The following FER variants were observed in gnomAD, a reference collection of about 807,000 sequenced individuals.
The protein encoded by FER is tyrosine-protein kinase Fer.
In FER, 63 loss-of-function variants were observed where a neutral mutation model predicts 111.0. The ratio of observed to expected loss-of-function variants is 0.57; its 90% confidence interval spans 0.46 to 0.70. FER has a LOEUF of 0.70. Ranked by LOEUF, FER falls within the 30% of genes least tolerant of loss-of-function variation. FER has a pLI of 0.00. For missense variants in FER, 914 were observed against 954.0 expected, an observed-to-expected ratio of 0.96 and a Z score of 0.55; for synonymous variants, 327 against 313.9, an observed-to-expected ratio of 1.04 and a Z score of -0.44.
intron 17 of FER, among the ~76,000 whole-genome samples, chr5:109,132,252 T>C (rs1225645759): frequency 6.6e-6 from 1 of 152,124 alleles, no homozygotes; most frequent in African/African-American, 2.4e-5. Flanking sequence ...CTGTGATTTC[T>C]CAATCTTTTT....
intron 9 of FER, chr5:108,891,656 G>GTTTTTTTTTTTTTTTTTTT (rs566904440): frequency 1.4e-5 from 2 of 141,530 alleles, no homozygotes. Flanking sequence ...TCTTTTGTTT[G>GTTTTTTTTTTTTTTTTTTT]TTTTTTTTTT....
intron 10 of FER, among the ~76,000 whole-genome samples, chr5:108,915,752 C>T (rs967942938): frequency 1.3e-5 from 2 of 151,268 alleles, no homozygotes; most frequent in Non-Finnish European, 2.9e-5. Flanking sequence ...GCAAAAGAAA[C>T]AGGTGAGGGA....
chr5:109,106,496 A>G (rs539293854), intron 17 of FER, among the ~76,000 whole-genome samples: 2 of 151,898 alleles, frequency 1.3e-5, no homozygotes, highest in East Asian at 3.9e-4. Context: ...CTGACATTTG[A>G]TTTACAATTT....
intron 2 of FER, among the ~76,000 whole-genome samples, chr5:108,771,651 A>G (rs1427527680): frequency 6.6e-6 from 1 of 152,222 alleles, no homozygotes; most frequent in Non-Finnish European, 1.5e-5. Flanking sequence ...AATTGAGTAT[A>G]TAGGACAATG....
At chr5:109,082,974 A>C (rs1465657347) in intron 16 of FER, among the ~76,000 whole-genome samples, 1 of 152,024 alleles carries the variant, frequency 6.6e-6, no homozygotes, top group East Asian at 1.9e-4. Flanking sequence ...AACCCCCCAA[A>C]AAAAGAAAAA....
intron 1 of FER, among the ~76,000 whole-genome samples, chr5:108,748,232 G>A (rs1198075480): frequency 6.6e-6 from 1 of 152,238 alleles, no homozygotes; most frequent in Non-Finnish European, 1.5e-5. Context: ...GGAACGTACA[G>A]GAAAAAGTGA....
intron 17 of FER, among the ~76,000 whole-genome samples, chr5:109,128,931 A>G (rs1276671658): frequency 6.6e-6 from 1 of 152,120 alleles, no homozygotes; most frequent in Non-Finnish European, 1.5e-5. Context: ...AACATTTTAT[A>G]AAGCTATAGT....
rs546343683 is a variant in FER at position 109,139,893 on chromosome 5, TA to T, written c.2048+39383del. Among the ~76,000 whole-genome samples the T allele has an allele frequency of 3.4e-3, 520 of 150,886 alleles. 5 individuals carry two copies. Among genetic ancestry groups the T allele is most frequent in the Non-Finnish European group, 5.5e-3 (371 of 67,594 alleles). ...CTACACCGTGCTAGATGGATTGCAATAAAAAAAAATAGAATTAAACACAGTA... is the reference window on the plus strand; with the variant it reads ...CTACACCGTGCTAGATGGATTGCAATAAAAAAAATAGAATTAAACACAGTA... On this transcript the variant is annotated intron_variant, in intron 17 of 19. Transcript: ENST00000281092.
intron 17 of FER, among the ~76,000 whole-genome samples, chr5:109,162,280 G>A (rs1434408957): frequency 3.3e-5 from 5 of 152,048 alleles, no homozygotes; most frequent in Non-Finnish European, 4.4e-5. Context: ...TCGTTTGAAA[G>A]AATTAGTCAT....
chr5:109,058,102 A>G (rs1180145372), intron 16 of FER, among the ~76,000 whole-genome samples: 2 of 152,172 alleles, frequency 1.3e-5, no homozygotes, highest in Non-Finnish European at 2.9e-5. Flanking sequence ...ATAAAATAGA[A>G]ATTATATGAT....
At chr5:108,772,937 G>T (rs549111535) in intron 2 of FER, among the ~76,000 whole-genome samples, 1 of 152,190 alleles carries the variant, frequency 6.6e-6, no homozygotes, top group Non-Finnish European at 1.5e-5. Flanking sequence ...CAAATGATGT[G>T]TAAGCAAGTA....
At chr5:108,915,340 G>A (rs1214354516) in intron 10 of FER, among the ~76,000 whole-genome samples, 2 of 152,076 alleles carry the variant, frequency 1.3e-5, no homozygotes, top group Non-Finnish European at 2.9e-5. Flanking sequence ...AGGCGTGGTG[G>A]TGTCACCTGT....
chr5:108,835,778 A>C lies in FER; in HGVS notation c.452A>C (p.Lys151Thr), dbSNP rs981925982. The C allele has an allele frequency of 6.4e-7, 1 of 1,561,738 alleles. No homozygotes were observed. The highest frequency in any genetic ancestry group is 2.3e-5 in the East Asian group (1 of 42,756). The change falls in exon 5 of 20, where the codon AAA (lysine) becomes ACA (threonine). Residue 151 changes from lysine to threonine, a missense_variant. Physicochemically the swap from Lys to Thr is moderately conservative, Grantham distance 78. Transcript: ENST00000281092. ...TTAATAAAAGAAATGAATTCTGCCA[A>C]AGAGAAATATAAAGAAGCTTTAGCT... The part of the protein sequence containing the change: ...RQLIKEMNSA[K>T]EKYKEALAKG...
intron 2 of FER, among the ~76,000 whole-genome samples, chr5:108,797,180 C>G (rs1339510064): frequency 6.6e-6 from 1 of 151,946 alleles, no homozygotes; most frequent in East Asian, 1.9e-4. Context: ...GAGGTAGGGC[C>G]TATAATAGGC....
intron 13 of FER, among the ~76,000 whole-genome samples, chr5:108,969,847 A>G (rs1332157422): frequency 6.7e-6 from 1 of 148,222 alleles, no homozygotes; most frequent in African/African-American, 2.7e-5. Flanking sequence ...ATCCAAATAC[A>G]TGGAAAAAGT....
At chr5:108,795,145 G>A (rs971660063) in intron 2 of FER, among the ~76,000 whole-genome samples, 1 of 152,134 alleles carries the variant, frequency 6.6e-6, no homozygotes, top group African/African-American at 2.4e-5. Flanking sequence ...GCAACAAAGT[G>A]TGACCCCTTC....
intron 13 of FER, among the ~76,000 whole-genome samples, chr5:108,976,550 A>T (rs369227206): frequency 6.6e-6 from 1 of 152,128 alleles, no homozygotes; most frequent in Non-Finnish European, 1.5e-5. Flanking sequence ...GACCCCCTGC[A>T]TAGTCAAAAA....
Position 109,187,630 on chromosome 5 carries a change from A to G in FER, c.*55A>G. The G allele has an allele frequency of 6.3e-7, 1 of 1,588,204 alleles. No individual in the cohort carries two copies. Among genetic ancestry groups the G allele is most frequent in the Non-Finnish European group, 8.6e-7 (1 of 1,162,982 alleles). ...GGACTCTGTCCTCCAGCAGAGTAAC[A>G]TTATTGTTCTCATTAACAATGAATT... On this transcript the variant is annotated 3_prime_UTR_variant, in exon 20 of 20. Coordinates refer to ENST00000281092, the MANE Select transcript of FER (RefSeq NM_005246.4).
Position 108,871,526 on chromosome 5 carries a change from A to G in FER, c.803+24A>G. 3.2e-6 allele frequency: 5 copies of G among 1,555,266 alleles called. No homozygotes were observed. In the East Asian group the frequency reaches 1.1e-4, roughly 35 times the overall value. On this transcript the variant is annotated intron_variant, in intron 7 of 19. Transcript: ENST00000281092. ...AGGTATGACATGTTTATTCCTCTTT[A>G]AGGATTTATGACAGTATTATTTTTC... is the stretch of plus-strand genomic sequence containing the variant.
Sources: allele counts gnomAD v4.1 joint callset (sites outside exome capture counted in the v4.1 genomes callset), GRCh38; gene constraint gnomAD v4.1.1; transcripts MANE v1.5; gene names NCBI Gene and HGNC (gene_info 2026-07-23, HGNC 2026-07-21).